Variants in ACVR1 observed in about 807,000 individuals in gnomAD.
ACVR1 encodes activin A receptor type 1.
A neutral mutation model predicts 57.1 loss-of-function variants in ACVR1; 38 were observed. The ratio of observed to expected loss-of-function variants is 0.67; its 90% CI spans 0.51 to 0.87. The LOEUF (loss-of-function observed/expected upper bound fraction) is 0.87, where lower values mean the gene tolerates loss of function less well. Ranked by LOEUF, ACVR1 falls within the 40% of genes least tolerant of loss-of-function variation. ACVR1 has a pLI of 0.00. For synonymous variants in ACVR1, 212 were observed against 228.1 expected (o/e 0.93, Z 0.63); for missense variants, 463 against 638.2 (o/e 0.73, Z 2.96).
At chr2:157,852,498 C>CA (rs548451104) in intron 1 of ACVR1, among the ~76,000 whole-genome samples, 11,746 of 70,252 alleles carry the variant, frequency 0.17, 686 homozygotes, top group African/African-American at 0.25. Context: ...GAGCCTGTCT[C>CA]AAAAAAAAAA....
At chr2:157,852,507 A>G (rs1689355169) in intron 1 of ACVR1, among the ~76,000 whole-genome samples, 1 of 143,920 alleles carries the variant, frequency 6.9e-6, no homozygotes, top group Non-Finnish European at 1.6e-5. Flanking sequence ...TCAAAAAAAA[A>G]AAAAAGAAAA....
intron 3 of ACVR1, among the ~76,000 whole-genome samples, chr2:157,789,912 C>T (rs539220003): frequency 2.2e-4 from 33 of 152,266 alleles, no homozygotes; most frequent in African/African-American, 7.9e-4. Context: ...GCCTTTCTCT[C>T]AAAGAGAAAA....
At position 157,766,117 on chromosome 2, in the gene ACVR1, C is replaced by A. The variant is rs548498262; in HGVS notation, c.870G>T (p.Ser290=). Residue 290 remains serine (S), a synonymous_variant, in exon 8 of 11, where the codon TCG becomes TCT. Transcript: ENST00000434821. ...TAGTAAGCTGAAGATAGTCGTACAA[C>A]GATCCCATTTCATGATAATGTGTAA... ...WLITHYHEMG[S]LYDYLQLTTL... 1.9e-6 allele frequency: 3 copies of A among 1,614,016 alleles called. No individual in the cohort carries two copies. Among genetic ancestry groups the A allele is most frequent in the East Asian group, 2.2e-5 (1 of 44,872 alleles).
chr2:157,847,931 C>A (rs1193135772), intron 1 of ACVR1, among the ~76,000 whole-genome samples: 2 of 151,622 alleles, frequency 1.3e-5, no homozygotes, highest in African/African-American at 4.9e-5. Context: ...TATCCCCCCA[C>A]CACCCCATTC....
intron 6 of ACVR1, among the ~76,000 whole-genome samples, chr2:157,773,521 G>A (rs569764896): frequency 6.6e-6 from 1 of 152,176 alleles, no homozygotes; most frequent in Non-Finnish European, 1.5e-5. Flanking sequence ...CTGAAAAAAG[G>A]GACATAAATT....
At chr2:157,785,579 T>C (rs1686684746) in intron 3 of ACVR1, among the ~76,000 whole-genome samples, 1 of 152,196 alleles carries the variant, frequency 6.6e-6, no homozygotes, top group Admixed American at 6.5e-5. Flanking sequence ...GAGGACAGGC[T>C]ATACATTCAG....
At chr2:157,870,292 T>C (rs1244001238) in intron 1 of ACVR1, among the ~76,000 whole-genome samples, 1 of 152,178 alleles carries the variant, frequency 6.6e-6, no homozygotes, top group Non-Finnish European at 1.5e-5. Context: ...CCTATCAATA[T>C]TCTTCCAGAA....
intron 1 of ACVR1, among the ~76,000 whole-genome samples, chr2:157,858,903 G>A (rs1689629745): frequency 6.6e-6 from 1 of 152,136 alleles, no homozygotes; most frequent in South Asian, 2.1e-4. Context: ...ACAAGCATGA[G>A]CCAGCATGCC....
intron 1 of ACVR1, among the ~76,000 whole-genome samples, chr2:157,821,469 G>A (rs958521216): frequency 1.3e-5 from 2 of 152,014 alleles, no homozygotes; most frequent in African/African-American, 4.8e-5. Flanking sequence ...AGGCTGCAGT[G>A]AGCCAAGATC....
In ACVR1 at chr2:157,737,509, C is replaced by CCTT; in HGVS notation, c.*19_*21dup. ...GACAATGACAACAACGTCAAATCTT[C>CCTT]CTTCTTGACACTATGAAAATGTCAA... On this transcript the variant is annotated 3_prime_UTR_variant, in exon 11 of 11. Transcript: ENST00000434821. 6.2e-7 allele frequency: 1 copy of CCTT among 1,613,606 alleles called. No individual in the cohort carries two copies. The highest frequency in any genetic ancestry group is 1.1e-5 in the South Asian group (1 of 91,064).
Position 157,770,456 on chromosome 2 carries a change from C to T in ACVR1, c.702G>A (p.Val234=), listed in dbSNP as rs1385939919. ...RGSWQGENVA[V]KIFSSRDEKS... ...TCTCATCACGGGAGGAGAAGATCTT[C>T]ACGGCAACATTCTCCCCTTGCCAGC... Residue 234 remains valine, a synonymous_variant, in exon 7 of 11, where the codon GTG becomes GTA. Coordinates refer to ENST00000434821, the MANE Select transcript of ACVR1 (RefSeq NM_001111067.4). 3.7e-6 allele frequency: 6 copies of T among 1,613,968 alleles called. No homozygotes were observed. Among genetic ancestry groups the T allele is most frequent in the Non-Finnish European group, 5.1e-6 (6 of 1,179,972 alleles).
chr2:157,770,854 T>A (rs1342773065), intron 6 of ACVR1, among the ~76,000 whole-genome samples: 1 of 152,190 alleles, frequency 6.6e-6, no homozygotes, highest in East Asian at 1.9e-4. Flanking sequence ...TTAAAACACA[T>A]GAAAGTAAAA....
chr2:157,802,847 T>A (rs981908762), intron 2 of ACVR1, among the ~76,000 whole-genome samples: 1 of 152,196 alleles, frequency 6.6e-6, no homozygotes, highest in Admixed American at 6.6e-5. Context: ...CTATAGTCTA[T>A]CTTGTTCATC....
chr2:157,784,075 A>T (rs1274570488), intron 3 of ACVR1, among the ~76,000 whole-genome samples: 1 of 152,252 alleles, frequency 6.6e-6, no homozygotes. Context: ...GGATCTTAAT[A>T]TCCACAATTC....
At chr2:157,802,289 C>T (rs76649021) in intron 2 of ACVR1, among the ~76,000 whole-genome samples, 171 of 152,180 alleles carry the variant, frequency 1.1e-3, no homozygotes, top group African/African-American at 4.0e-3. Flanking sequence ...GTGGCCAGAG[C>T]AAGCATGGTG....
chr2:157,863,709 A>G lies in ACVR1; in HGVS notation c.-183+12087T>C, dbSNP rs1232702467. Among the ~76,000 whole-genome samples the G allele has an allele frequency of 2.6e-5, 4 of 151,894 alleles. No homozygotes were observed. In the South Asian group the frequency reaches 8.3e-4, roughly 32 times the overall value. ...AAGACTCCATCTCAAGAAAAAAAAT[A>G]AAAAGAGAGAGAGAAAGATTTAGTA... On this transcript the variant is annotated intron_variant, in intron 1 of 10. Transcript: ENST00000434821.
In ACVR1 at chr2:157,766,763, C is replaced by T. The variant is rs182864323; in HGVS notation, c.791-567G>A. On this transcript the variant is annotated intron_variant, in intron 7 of 10. Coordinates refer to ENST00000434821, the MANE Select transcript of ACVR1 (RefSeq NM_001111067.4). ...ACCAAATATATGAGTATTTATGATGCTATCTGTCAGTCACACACAGAAAAA... is the reference window on the plus strand; with the variant it reads ...ACCAAATATATGAGTATTTATGATGTTATCTGTCAGTCACACACAGAAAAA... 1.8e-3 allele frequency among the ~76,000 whole-genome samples: 278 copies of T among 152,304 alleles called. 2 individuals are homozygous for T. The highest frequency in any genetic ancestry group is 9.7e-4 in the Non-Finnish European group (66 of 68,022).
At chr2:157,741,980 G>A (rs1377463701) in intron 9 of ACVR1, among the ~76,000 whole-genome samples, 1 of 152,088 alleles carries the variant, frequency 6.6e-6, no homozygotes, top group East Asian at 1.9e-4. Context: ...GAGGCTATGG[G>A]GCAAGGACAG....
At chr2:157,773,997 C>G in intron 6 of ACVR1, 91 bp downstream of exon 6, 3 of 1,131,170 alleles carry the variant, frequency 2.7e-6, no homozygotes, top group Non-Finnish European at 4.0e-6. Flanking sequence ...CAACAGGTAA[C>G]AAAAAGCAGA....
Sources: gnomAD v4.1 joint callset for allele counts (sites outside exome capture counted in the v4.1 genomes callset) on GRCh38, gnomAD v4.1.1 for gene constraint, MANE v1.5 for transcripts, NCBI Gene and HGNC (gene_info 2026-07-23, HGNC 2026-07-21) for gene names.